PHF2: variants seen among roughly 807,000 people sequenced by gnomAD.
PHF2 encodes lysine-specific demethylase PHF2.
In PHF2, 27 loss-of-function variants were observed where a neutral mutation model predicts 120.5. The ratio of observed to expected loss-of-function variants is 0.22; its 90% CI spans 0.17 to 0.31. The LOEUF (loss-of-function observed/expected upper bound fraction) is 0.31. Ranked by LOEUF, PHF2 falls within the 10% of genes least tolerant of loss-of-function variation. The probability of loss-of-function intolerance (pLI) is 1.00; values close to 1 mark genes in which losing one functional copy is unlikely to be tolerated. For missense variants in PHF2, 1,024 were observed against 1,434.8 expected (o/e 0.71, Z 4.63); for synonymous variants, 568 against 592.5 (o/e 0.96, Z 0.60).
Position 93,678,018 on chromosome 9 carries a change from A to T in PHF2, c.*342A>T, listed in dbSNP as rs760434805. The T allele has an allele frequency of 1.3e-5, 3 of 236,154 alleles. No individual in the cohort carries two copies. The highest frequency in any genetic ancestry group is 2.3e-5 in the African/African-American group (1 of 44,370). The allele number at this position is 236,154 out of a possible 1,614,324, so 14.6% of individuals were successfully genotyped here. A position where few individuals can be genotyped will look rare whatever the true frequency, so the allele number is the denominator to read the frequency against. ...CCTCTGCAGCTCTGCTGAGAGCATG[A>T]GTCCTTCAAGGAAGACAGAGTGAGC... On this transcript the variant is annotated 3_prime_UTR_variant, in exon 22 of 22. Coordinates refer to ENST00000359246, the MANE Select transcript of PHF2 (RefSeq NM_005392.4).
intron 1 of PHF2, among the ~76,000 whole-genome samples, chr9:93,615,204 G>GTGATA (rs1564381930): frequency 4.7e-5 from 7 of 148,728 alleles, no homozygotes; most frequent in African/African-American, 1.5e-4. Context: ...TGATGATGAT[G>GTGATA]GTGATGGTGA....
intron 1 of PHF2, among the ~76,000 whole-genome samples, chr9:93,579,997 A>G (rs1862903668): frequency 6.6e-6 from 1 of 152,174 alleles, no homozygotes; most frequent in South Asian, 2.1e-4. Context: ...GGGGAGGGAG[A>G]ATCGTTGTGT....
chr9:93,636,220 C>T (rs942466233), intron 2 of PHF2, among the ~76,000 whole-genome samples, 191 bp from the exon 3 acceptor site: 1 of 151,818 alleles, frequency 6.6e-6, no homozygotes, highest in Non-Finnish European at 1.5e-5. Context: ...GACACGAGGT[C>T]GAGGTAGGGG....
chr9:93,669,143 G>A (rs1457177116), intron 17 of PHF2, among the ~76,000 whole-genome samples: 2 of 152,216 alleles, frequency 1.3e-5, no homozygotes, highest in East Asian at 3.9e-4. Context: ...CACCCTCTTG[G>A]GTTGCCCAGA....
chr9:93,636,669 C>A (rs892270550), intron 3 of PHF2, 144 bp downstream of exon 3: 1 of 674,162 alleles, frequency 1.5e-6, no homozygotes, highest in Non-Finnish European at 2.5e-6. Context: ...CTCCTGGAGG[C>A]AGCATAGCCT....
intron 1 of PHF2, among the ~76,000 whole-genome samples, chr9:93,627,549 C>G (rs927199172): frequency 4.0e-5 from 5 of 125,990 alleles, no homozygotes; most frequent in African/African-American, 1.5e-4. Context: ...CTGTGTTAAA[C>G]AGAAGTGGCA....
intron 7 of PHF2, 131 bp from the exon 8 acceptor site, chr9:93,655,803 G>T: frequency 1.6e-6 from 1 of 643,598 alleles, no homozygotes; most frequent in Non-Finnish European, 2.8e-6. Context: ...AGGTGTAGGC[G>T]GGCAGGAGCT....
At chr9:93,593,084 C>CAA (rs200919035) in intron 1 of PHF2, among the ~76,000 whole-genome samples, 8 of 83,376 alleles carry the variant, frequency 9.6e-5, no homozygotes, top group Non-Finnish European at 1.2e-4. Context: ...TCCTTTATGC[C>CAA]AAAAAAAAAA....
At chr9:93,616,651 A>AT (rs34471538) in intron 1 of PHF2, among the ~76,000 whole-genome samples, 20,127 of 146,436 alleles carry the variant, frequency 0.14, 1,471 homozygotes, top group Middle Eastern at 0.23. Context: ...TTCTCCTATA[A>AT]TTTTTTTTTT....
intron 19 of PHF2, among the ~76,000 whole-genome samples, 199 bp downstream of exon 19, chr9:93,675,221 G>T (rs577631021): frequency 6.6e-6 from 1 of 152,302 alleles, no homozygotes; most frequent in African/African-American, 2.4e-5. Context: ...TTGCTTCTGG[G>T]GGCCTGGGAG....
intron 15 of PHF2, 42 bp downstream of exon 15, chr9:93,665,906 C>A: frequency 1.9e-6 from 3 of 1,611,614 alleles, no homozygotes; most frequent in East Asian, 2.2e-5. Flanking sequence ...GTGGGAGAGG[C>A]CCATCCTGCC....
At chr9:93,655,123 T>C (rs1297450628) in intron 7 of PHF2, among the ~76,000 whole-genome samples, 1 of 152,240 alleles carries the variant, frequency 6.6e-6, no homozygotes, top group Non-Finnish European at 1.5e-5. Context: ...TTTCATTAAA[T>C]ATTCCACTAT....
rs1826699717 is a variant in PHF2, at chr9:93,667,250, A to ACCACCC, written c.2348+11_2348+16dup. Reference sequence around the variant, plus strand: ...AGTACAACCCCAGCAGGTGGGCCCCACCACCCGGCAGCACCCAAGAGCGGG... The same window carrying ACCACCC: ...AGTACAACCCCAGCAGGTGGGCCCCACCACCCCCACCCGGCAGCACCCAAGAGCGGG... On this transcript the variant is annotated intron_variant, in intron 17 of 21. Coordinates refer to ENST00000359246, the MANE Select transcript of PHF2 (RefSeq NM_005392.4). The ACCACCC allele has an allele frequency of 6.2e-7, 1 of 1,605,220 alleles. No homozygotes were observed. Among genetic ancestry groups the ACCACCC allele is most frequent in the Admixed American group, 1.7e-5 (1 of 58,316 alleles).
At chr9:93,661,299 G>A (rs968633442) in intron 12 of PHF2, among the ~76,000 whole-genome samples, 2 of 152,174 alleles carry the variant, frequency 1.3e-5, no homozygotes, top group East Asian at 3.9e-4. Context: ...AAACTTCAGG[G>A]CCGGCATCAC....
In PHF2 at chr9:93,654,477, G is replaced by T. The variant is rs771361962; in HGVS notation, c.854G>T (p.Arg285Leu). 6.2e-7 allele frequency: 1 copy of T among 1,614,014 alleles called. No homozygotes were observed. Among genetic ancestry groups the T allele is most frequent in the Admixed American group, 1.7e-5 (1 of 60,030 alleles). Residue 285 changes from arginine to leucine, a missense_variant, in exon 7 of 22, where the codon CGG becomes CTG. Around this residue, in one of 2 missense-constraint regions of PHF2, gnomAD observed 347 missense variants for 577.4 expected, o/e 0.60. Transcript: ENST00000359246. ...SANISLYERWRSASNHSEMFF... is the reference protein window; with the variant it reads ...SANISLYERWLSASNHSEMFF... ...AACATCTCCCTGTATGAGCGCTGGC[G>T]GTCTGCCTCTAACCACAGCGAGATG...
chr9:93,666,917 C>G (rs1412165047), intron 16 of PHF2, among the ~76,000 whole-genome samples, 163 bp from the exon 17 acceptor site: 2 of 151,994 alleles, frequency 1.3e-5, no homozygotes, highest in Non-Finnish European at 2.9e-5. Context: ...GAGCGAGACT[C>G]CATCTCAAAA....
In PHF2 at chr9:93,665,710, G is replaced by A. The variant is rs1158273357; in HGVS notation, c.1962G>A (p.Thr654=). ...GCTCCAAGGCTCTCAGGCCCCCGACGAGCCCTGGTGTGTTCGGGGCCTTGC... is the reference window on the plus strand; with the variant it reads ...GCTCCAAGGCTCTCAGGCCCCCGACAAGCCCTGGTGTGTTCGGGGCCTTGC... ...LLGSKALRPP[T]SPGVFGALQN... Residue 654 remains threonine (T), a synonymous_variant, in exon 15 of 22, where the codon ACG becomes ACA. Transcript: ENST00000359246. The A allele has an allele frequency of 1.9e-6, 3 of 1,613,846 alleles. No individual in the cohort carries two copies. Among genetic ancestry groups the A allele is most frequent in the East Asian group, 4.5e-5 (2 of 44,852 alleles).
chr9:93,623,489 C>G (rs1825857324), intron 1 of PHF2, among the ~76,000 whole-genome samples: 1 of 152,200 alleles, frequency 6.6e-6, no homozygotes. Context: ...TGGTCCTGTT[C>G]CTGGCTTTGG....
chr9:93,599,848 G>A (rs1394912353), intron 1 of PHF2, among the ~76,000 whole-genome samples: 3 of 152,220 alleles, frequency 2.0e-5, no homozygotes, highest in East Asian at 3.9e-4. Context: ...TCTGAAACTC[G>A]TCTGACTGGG....
Sources: allele counts gnomAD v4.1 joint callset (sites outside exome capture counted in the v4.1 genomes callset), GRCh38; gene constraint gnomAD v4.1.1; regional missense constraint gnomAD v4.1.1; transcripts MANE v1.5; gene names NCBI Gene and HGNC (gene_info 2026-07-23, HGNC 2026-07-21).